CASTOR2: variants seen among roughly 807,000 people sequenced by gnomAD.
The protein encoded by CASTOR2 is cytosolic arginine sensor for mTORC1 subunit 2, also known as GATS protein like 2.
A neutral mutation model predicts 31.2 loss-of-function variants in CASTOR2; 8 were observed. That is an observed-to-expected ratio of 0.26 (90% CI 0.15 to 0.46). The LOEUF is 0.46. Ranked by LOEUF, CASTOR2 falls within the 20% of genes least tolerant of loss-of-function variation. The pLI is 0.99. For missense variants in CASTOR2, 216 were observed against 382.1 expected (o/e 0.57, Z 3.62); for synonymous variants, 162 against 158.7 (o/e 1.02, Z -0.16).
In CASTOR2 at chr7:75,029,084, G is replaced by A. The variant is rs1805224898; in HGVS notation, c.*4385G>A. 6.6e-6 allele frequency among the ~76,000 whole-genome samples: 1 copy of A among 152,240 alleles called. No individual in the cohort carries two copies. The highest frequency in any genetic ancestry group is 2.1e-4 in the South Asian group (1 of 4,838). Reference sequence around the variant, plus strand: ...CCTCTGAGGTGACAGAGGATGCCCTGGAGGTCAGGAGAGAAGACTGGGAAG... The same window carrying A: ...CCTCTGAGGTGACAGAGGATGCCCTAGAGGTCAGGAGAGAAGACTGGGAAG... On this transcript the variant is annotated 3_prime_UTR_variant, in exon 9 of 9. Coordinates refer to ENST00000616305, the MANE Select transcript of CASTOR2 (RefSeq NM_001145064.3).
chr7:75,006,692 T>G (rs1254601810), intron 1 of CASTOR2, among the ~76,000 whole-genome samples: 1 of 151,932 alleles, frequency 6.6e-6, no homozygotes, highest in Non-Finnish European at 1.5e-5. Flanking sequence ...ATGGGGGTGG[T>G]CTCCCTCATA....
chr7:75,020,368 C>T (rs1804965774), intron 6 of CASTOR2, among the ~76,000 whole-genome samples: 1 of 150,604 alleles, frequency 6.6e-6, no homozygotes, highest in African/African-American at 2.4e-5. Context: ...TCAGCTGGGA[C>T]TACAGGCATG....
chr7:75,021,240 C>T (rs1395228972), intron 6 of CASTOR2, among the ~76,000 whole-genome samples: 1 of 152,290 alleles, frequency 6.6e-6, no homozygotes, highest in Admixed American at 6.5e-5. Context: ...GATTCACCCA[C>T]TTTGGCCTCC....
intron 2 of CASTOR2, among the ~76,000 whole-genome samples, chr7:75,012,193 A>T (rs1263089824): frequency 3.9e-5 from 6 of 152,106 alleles, no homozygotes; most frequent in African/African-American, 1.4e-4. Flanking sequence ...GAAGACTCTC[A>T]GGGGGCTGTG....
At position 75,031,173 on chromosome 7, in the gene CASTOR2, G is replaced by A. The variant is rs1340599939; in HGVS notation, c.*6474G>A. Among the ~76,000 whole-genome samples, 5 of 152,260 alleles carry A rather than the reference G, an allele frequency of 3.3e-5. No homozygotes were observed. Among genetic ancestry groups the A allele is most frequent in the African/African-American group, 1.2e-4 (5 of 41,550 alleles). ...AAAATCATTTCCGTTATCCTGAGATGGGGGTGAGTGGATGGATGGTGTACT... is the reference window on the plus strand; with the variant it reads ...AAAATCATTTCCGTTATCCTGAGATAGGGGTGAGTGGATGGATGGTGTACT... On this transcript the variant is annotated 3_prime_UTR_variant, in exon 9 of 9. Transcript: ENST00000616305.
At position 75,007,944 on chromosome 7, in the gene CASTOR2, G is replaced by T; in HGVS notation, c.114-50G>T. The T allele has an allele frequency of 2.5e-6, 4 of 1,613,810 alleles. No individual in the cohort carries two copies. In the South Asian group the frequency reaches 3.3e-5, roughly 13 times the overall value. On this transcript the variant is annotated intron_variant, in intron 1 of 8. Coordinates refer to ENST00000616305, the MANE Select transcript of CASTOR2 (RefSeq NM_001145064.3). ...AGGGCACGGGTGGGCAGCTGCCCCA[G>T]GGGACCTGCCTGGACTAATGAGATA...
At chr7:74,985,286 T>C (rs1458601112) in intron 1 of CASTOR2, among the ~76,000 whole-genome samples, 1 of 151,998 alleles carries the variant, frequency 6.6e-6, no homozygotes, top group African/African-American at 2.4e-5. Context: ...TTGAGCCCCT[T>C]TCAAGAGTCA....
At position 75,030,668 on chromosome 7, in the gene CASTOR2, G is replaced by A. The variant is rs1025794648; in HGVS notation, c.*5969G>A. 1.3e-5 allele frequency among the ~76,000 whole-genome samples: 2 copies of A among 152,122 alleles called. No individual in the cohort carries two copies. Among genetic ancestry groups the A allele is most frequent in the Admixed American group, 6.6e-5 (1 of 15,264 alleles). ...TGCTTGAGTGTCTTCACAATATGGC[G>A]CTCGGCTTCCCCCCAGAGCAAGAGA... On this transcript the variant is annotated 3_prime_UTR_variant, in exon 9 of 9. Coordinates refer to ENST00000616305, the MANE Select transcript of CASTOR2 (RefSeq NM_001145064.3).
chr7:75,001,554 C>T (rs1804496246), intron 1 of CASTOR2, among the ~76,000 whole-genome samples: 2 of 152,210 alleles, frequency 1.3e-5, no homozygotes, highest in South Asian at 2.1e-4. Context: ...AGAATTAGAA[C>T]TGGAGACCTT....
chr7:75,008,161 T>G, intron 2 of CASTOR2, 97 bp downstream of exon 2: 1 of 1,412,102 alleles, frequency 7.1e-7, no homozygotes. Flanking sequence ...CACCTCCTTA[T>G]TTCTGCCCCC....
chr7:74,991,656 GGTGTGGGTCGTGTTGAGGAGGGGAC>G (rs1347861518), intron 1 of CASTOR2, among the ~76,000 whole-genome samples: 3 of 152,148 alleles, frequency 2.0e-5, no homozygotes, highest in African/African-American at 7.2e-5. Context: ...TTGGAGGGGA[GGTGTGGGTCGTGTTGAGGAGGGGAC>G]GTAGTGGAGC....
intron 1 of CASTOR2, among the ~76,000 whole-genome samples, chr7:75,004,099 C>T (rs1804557228): frequency 6.6e-6 from 1 of 152,146 alleles, no homozygotes; most frequent in South Asian, 2.1e-4. Context: ...CCGGGGCTCT[C>T]GGGCAGCTGG....
chr7:75,014,687 T>C (rs1490955311), intron 2 of CASTOR2, among the ~76,000 whole-genome samples: 2 of 152,268 alleles, frequency 1.3e-5, no homozygotes, highest in East Asian at 1.9e-4. Flanking sequence ...TGCCTGCTCC[T>C]GGCCAGCTGC....
At chr7:74,981,639 C>T (rs1263595106) in intron 1 of CASTOR2, among the ~76,000 whole-genome samples, 2 of 150,608 alleles carry the variant, frequency 1.3e-5, no homozygotes, top group Non-Finnish European at 2.9e-5. Context: ...GTTCCCCAGG[C>T]TGGTCTTGAA....
At chr7:74,997,215 T>A (rs1804373844) in intron 1 of CASTOR2, among the ~76,000 whole-genome samples, 1 of 151,734 alleles carries the variant, frequency 6.6e-6, no homozygotes, top group South Asian at 2.1e-4. Context: ...TACCAGGCCC[T>A]GCTAATATTT....
In CASTOR2 at chr7:75,030,269, G is replaced by A. The variant is rs1044855321; in HGVS notation, c.*5570G>A. On this transcript the variant is annotated 3_prime_UTR_variant, in exon 9 of 9. Transcript: ENST00000616305. ...TGTTCCTATGCATTAGAGTGTGTGCGTGCACGTGTGCAGAGCCCACACCTG... is the reference window on the plus strand; with the variant it reads ...TGTTCCTATGCATTAGAGTGTGTGCATGCACGTGTGCAGAGCCCACACCTG... Among the ~76,000 whole-genome samples, 1 of 152,250 alleles carries A rather than the reference G, an allele frequency of 6.6e-6. No homozygotes were observed. The highest frequency in any genetic ancestry group is 1.5e-5 in the Non-Finnish European group (1 of 68,048).
intron 2 of CASTOR2, among the ~76,000 whole-genome samples, chr7:75,011,747 C>T (rs1554439461): frequency 1.2e-5 from 1 of 80,256 alleles, no homozygotes; most frequent in African/African-American, 9.7e-5. Context: ...AAAAAAAAAA[C>T]CAAAAAAAAA....
At chr7:74,989,503 C>G (rs1271739114) in intron 1 of CASTOR2, among the ~76,000 whole-genome samples, 1 of 152,018 alleles carries the variant, frequency 6.6e-6, no homozygotes, top group Non-Finnish European at 1.5e-5. Context: ...CTCACCACAG[C>G]CTCTACCACC....
intron 1 of CASTOR2, among the ~76,000 whole-genome samples, chr7:74,995,114 G>A (rs1804309837): frequency 2.0e-5 from 3 of 152,104 alleles, no homozygotes; most frequent in Admixed American, 6.6e-5. Context: ...TGAACGGAGC[G>A]GGATACCCTG....
Sources: gnomAD v4.1 joint callset for allele counts (sites outside exome capture counted in the v4.1 genomes callset) on GRCh38, gnomAD v4.1.1 for gene constraint, MANE v1.5 for transcripts, NCBI Gene and HGNC (gene_info 2026-07-23, HGNC 2026-07-21) for gene names.